The following NCOR1 variants were observed in gnomAD, a reference collection of about 807,000 sequenced individuals.
NCOR1 encodes the protein nuclear receptor corepressor 1.
Under a neutral mutation model 288.1 loss-of-function variants are expected in NCOR1, and 63 were observed. The ratio of observed to expected loss-of-function variants is 0.22; its 90% confidence interval spans 0.18 to 0.27. NCOR1 has a LOEUF of 0.27. Among genes scored for constraint, NCOR1 ranks in the 10% least tolerant of loss-of-function variants. The pLI is 1.00. For missense variants in NCOR1, 2,397 were observed against 3,019.2 expected (o/e 0.79, Z 4.83); for synonymous variants, 1,007 against 1,065.9 (o/e 0.94, Z 1.08).
In NCOR1 at chr17:16,094,892, A is replaced by G. The variant is rs1265017874; in HGVS notation, c.2821-2834T>C. On this transcript the variant is annotated intron_variant, in intron 21 of 45. Coordinates refer to ENST00000268712, the MANE Select transcript of NCOR1 (RefSeq NM_006311.4). The stretch of plus-strand genomic sequence containing the variant: ...CTCAATGGTGCCCAGGCTGGAGTGC[A>G]GTGGCGTGATCTCGGCTCGCTACAA... 3.9e-5 allele frequency among the ~76,000 whole-genome samples: 6 copies of G among 152,296 alleles called. No individual in the cohort carries two copies. In the East Asian group the frequency reaches 9.7e-4, roughly 25 times the overall value.
chr17:16,105,930 T>C (rs1003601575), intron 19 of NCOR1, among the ~76,000 whole-genome samples: 2 of 152,002 alleles, frequency 1.3e-5, no homozygotes, highest in Non-Finnish European at 2.9e-5. Flanking sequence ...CGAAACCCCA[T>C]CTCTACTAAA....
At position 16,167,548 on chromosome 17, in the gene NCOR1, G is replaced by C. The variant is rs1463883217; in HGVS notation, c.436-2387C>G. Among the ~76,000 whole-genome samples, 3 of 151,986 alleles carry C rather than the reference G, an allele frequency of 2.0e-5. No homozygotes were observed. The East Asian group carries it at 5.8e-4, about 29-fold the overall frequency. On this transcript the variant is annotated intron_variant, in intron 4 of 45. Transcript: ENST00000268712. ...AAGACATTAGTTTTTAAAAAAGAAA[G>C]ATTGATGGATAAAATAAAAAACTAT...
At chr17:16,097,232 A>G (rs2066800242) in intron 21 of NCOR1, among the ~76,000 whole-genome samples, 1 of 152,236 alleles carries the variant, frequency 6.6e-6, no homozygotes, top group Admixed American at 6.5e-5. Context: ...AAAAACCACA[A>G]GGCAGGAGGC....
intron 40 of NCOR1, among the ~76,000 whole-genome samples, chr17:16,052,306 G>T (rs1476615603): frequency 1.3e-5 from 2 of 151,964 alleles, no homozygotes; most frequent in Admixed American, 6.6e-5. Flanking sequence ...TTAGAGGCAT[G>T]AGCCACGGCA....
chr17:16,150,586 G>C (rs1052325021), intron 8 of NCOR1, among the ~76,000 whole-genome samples: 3 of 152,072 alleles, frequency 2.0e-5, no homozygotes, highest in African/African-American at 7.2e-5. Context: ...ATCTAGGATA[G>C]TGTGCTGAGC....
Position 16,178,676 on chromosome 17 carries a change from A to G in NCOR1, c.243-6681T>C, listed in dbSNP as rs181297149. Among the ~76,000 whole-genome samples, 596 of 152,210 alleles carry G rather than the reference A, an allele frequency of 3.9e-3. 8 individuals are homozygous for G. The highest frequency in any genetic ancestry group is 0.013 in the African/African-American group (555 of 41,528). On this transcript the variant is annotated intron_variant, in intron 3 of 45. Transcript: ENST00000268712. Reference sequence around the variant, plus strand: ...CCCACTTTTCTAAGTTTTTGACAATAGCTGTATGTCTTTTCTTATTTATAA... The same window carrying G: ...CCCACTTTTCTAAGTTTTTGACAATGGCTGTATGTCTTTTCTTATTTATAA...
intron 8 of NCOR1, among the ~76,000 whole-genome samples, chr17:16,151,021 G>A (rs1232728028): frequency 1.3e-5 from 2 of 150,960 alleles, no homozygotes; most frequent in African/African-American, 4.9e-5. Context: ...TCTCAGTTAA[G>A]AAATTTTTAA....
At position 16,080,630 on chromosome 17, in the gene NCOR1, C is replaced by T. The variant is rs774720854; in HGVS notation, c.3275G>A (p.Arg1092Gln). The change falls in exon 24 of 46, where the codon CGG (arginine) becomes CAG (glutamine). Residue 1092 changes from arginine (R) to glutamine (Q), a missense_variant. Around this residue, in one of 11 missense-constraint regions of NCOR1, gnomAD observed 1,872 missense variants for 2,187.8 expected, o/e 0.86. Transcript: ENST00000268712. ...ACCTGATTTGGCAGATTCCTGTTGC[C>T]GTGGCAGTCCAAGAGAGATAGATCC... is the stretch of plus-strand genomic sequence containing the variant. ...SVGSISLGLP[R>Q]QQESAKSATL... is the part of the protein sequence containing the mutation. The T allele has an allele frequency of 3.1e-6, 5 of 1,613,868 alleles. No individual in the cohort carries two copies. The highest frequency in any genetic ancestry group is 1.1e-5 in the South Asian group (1 of 91,078).
At chr17:16,082,962 CT>C (rs2063622051) in intron 23 of NCOR1, among the ~76,000 whole-genome samples, 1 of 152,110 alleles carries the variant, frequency 6.6e-6, no homozygotes, top group South Asian at 2.1e-4. Flanking sequence ...GAATGCCTTC[CT>C]TCTAAGATGA....
In NCOR1 at chr17:16,165,034, A is replaced by G; in HGVS notation, c.563T>C (p.Val188Ala). 6.2e-7 allele frequency: 1 copy of G among 1,605,006 alleles called. No homozygotes were observed. Among genetic ancestry groups the G allele is most frequent in the Non-Finnish European group, 8.5e-7 (1 of 1,177,412 alleles). Reference protein sequence around the residue: ...KEELIQSMDRVDREIAKVEQQ... With the variant: ...KEELIQSMDRADREIAKVEQQ... Reference sequence around the variant, plus strand: ...TTCTACTTTTGCAATTTCTCGATCTACACGATCCATACTCTGTATTAACTC... The same window carrying G: ...TTCTACTTTTGCAATTTCTCGATCTGCACGATCCATACTCTGTATTAACTC... The change falls in exon 5 of 46, where the codon GTA becomes GCA. Residue 188 changes from valine to alanine, a missense_variant. By Grantham distance (64) the Val-to-Ala change is moderately conservative. This residue lies in a region of NCOR1 where 5 missense variants were observed against 32.6 expected (regional missense o/e 0.15). Coordinates refer to ENST00000268712, the MANE Select transcript of NCOR1 (RefSeq NM_006311.4).
At chr17:16,108,721 A>C (rs2069331572) in intron 19 of NCOR1, 65 bp downstream of exon 19, 1 of 1,455,638 alleles carries the variant, frequency 6.9e-7, no homozygotes, top group Non-Finnish European at 9.3e-7. Flanking sequence ...CTACACAGTC[A>C]AATGACTAAA....
rs944103856 is a variant in NCOR1 at position 16,075,827 on chromosome 17, A to G, written c.3502-125T>C. On this transcript the variant is annotated intron_variant, in intron 26 of 45. Coordinates refer to ENST00000268712, the MANE Select transcript of NCOR1 (RefSeq NM_006311.4). ...TATAGCTTCAAAGAAGAAAGCACAC[A>G]TACATGAAAGGAAATTAGACATTGA... The G allele has an allele frequency of 1.5e-5, 15 of 1,009,992 alleles. No homozygotes were observed. The African/African-American group carries it at 2.3e-4, about 15-fold the overall frequency. The allele number at this position is 1,009,992 out of a possible 1,614,324, so 62.6% of individuals were successfully genotyped here. A position where few individuals can be genotyped will look rare whatever the true frequency, so the allele number is the denominator to read the frequency against.
At chr17:16,110,790 T>G (rs907853669) in intron 18 of NCOR1, among the ~76,000 whole-genome samples, 2 of 152,224 alleles carry the variant, frequency 1.3e-5, no homozygotes, top group African/African-American at 4.8e-5. Context: ...AAATATTAAT[T>G]AACTCAAGAG....
chr17:16,066,946 A>G (rs2061188786), intron 32 of NCOR1, among the ~76,000 whole-genome samples: 1 of 152,264 alleles, frequency 6.6e-6, no homozygotes, highest in South Asian at 2.1e-4. Context: ...TATTAAGCAA[A>G]GAGTTTATTT....
At chr17:16,114,133 T>C (rs1598821315) in intron 18 of NCOR1, among the ~76,000 whole-genome samples, 1 of 88,666 alleles carries the variant, frequency 1.1e-5, no homozygotes, top group East Asian at 2.9e-4. Flanking sequence ...TCTTACATGA[T>C]GGCGGCAGGC....
chr17:16,034,956 A>G lies in NCOR1; in HGVS notation c.6956-12T>C. The G allele has an allele frequency of 6.2e-7, 1 of 1,612,908 alleles. No homozygotes were observed. On this transcript the variant is annotated splice_polypyrimidine_tract_variant and intron_variant, in intron 44 of 45. Transcript: ENST00000268712. ...TTTGCAAACTCCTCCTGAAAGTGAA[A>G]TTCAAGTTAAAGTATTAATATATTA...
At chr17:16,177,831 CCAAT>C (rs2084540547) in intron 3 of NCOR1, among the ~76,000 whole-genome samples, 1 of 152,186 alleles carries the variant, frequency 6.6e-6, no homozygotes, top group African/African-American at 2.4e-5. Context: ...GAAATTTTCT[CCAAT>C]CAAAGAATAT....
chr17:16,045,968 C>G (rs571990827), intron 42 of NCOR1, among the ~76,000 whole-genome samples: 1 of 152,192 alleles, frequency 6.6e-6, no homozygotes. Flanking sequence ...TGTATACCAC[C>G]GCACCCAGCT....
At chr17:16,210,329 A>G (rs1168122912) in intron 1 of NCOR1, among the ~76,000 whole-genome samples, 1 of 152,170 alleles carries the variant, frequency 6.6e-6, no homozygotes, top group Non-Finnish European at 1.5e-5. Flanking sequence ...GGTTATGGTG[A>G]CCTGAGACAG....
Sources: gnomAD v4.1 joint callset for allele counts (sites outside exome capture counted in the v4.1 genomes callset) on GRCh38, gnomAD v4.1.1 for gene constraint, gnomAD v4.1.1 regional missense constraint, MANE v1.5 for transcripts, NCBI Gene and HGNC (gene_info 2026-07-23, HGNC 2026-07-21) for gene names.